DLGAP4: variants seen among roughly 807,000 people sequenced by gnomAD.
DLGAP4 encodes DLG associated protein 4.
Under a neutral mutation model 86.9 loss-of-function variants are expected in DLGAP4, and 18 were observed. The ratio of observed to expected loss-of-function variants is 0.21; its 90% confidence interval spans 0.14 to 0.31. DLGAP4 has a LOEUF of 0.31. DLGAP4 is among the 10% of genes least tolerant of loss of function. DLGAP4 has a pLI of 1.00. For missense variants in DLGAP4, 1,085 were observed against 1,362.6 expected, an observed-to-expected ratio of 0.80 and a Z score of 3.21; for synonymous variants, 548 against 574.3, an observed-to-expected ratio of 0.95 and a Z score of 0.65.
At chr20:36,316,037 G>A (rs1335201468) in intron 1 of DLGAP4, among the ~76,000 whole-genome samples, 3 of 152,204 alleles carry the variant, frequency 2.0e-5, no homozygotes, top group Admixed American at 2.0e-4. Flanking sequence ...CCAGCGGGAA[G>A]GCAGCCTCTC....
At chr20:36,458,976 G>A (rs1222466143) in intron 7 of DLGAP4, among the ~76,000 whole-genome samples, 1 of 152,216 alleles carries the variant, frequency 6.6e-6, no homozygotes, top group Non-Finnish European at 1.5e-5. Context: ...GTCGCGTGGG[G>A]ACAGCCCTCA....
In DLGAP4 at chr20:36,432,309, C is replaced by T. The variant is rs1402053894; in HGVS notation, c.592C>T (p.Arg198Cys). The change falls in exon 3 of 13, where the codon CGC becomes TGC. Residue 198 changes from arginine to cysteine, a missense_variant. Coordinates refer to ENST00000339266, the MANE Select transcript of DLGAP4 (RefSeq NM_001365621.2). This position sits in a 1 kb window ranked among gnomAD's most constrained non-coding sequence, Gnocchi z 6.5. Reference sequence around the variant, plus strand: ...GGCTGGGGAGCCCAAACGGCGCAGCCGCTCCAACATCTCAGGCTGGTGGAG... The same window carrying T: ...GGCTGGGGAGCCCAAACGGCGCAGCTGCTCCAACATCTCAGGCTGGTGGAG... ...AKAGEPKRRSRSNISGWWSSD... is the reference protein window; with the variant it reads ...AKAGEPKRRSCSNISGWWSSD... The T allele has an allele frequency of 3.1e-6, 5 of 1,613,754 alleles. No homozygotes were observed. The highest frequency in any genetic ancestry group is 2.2e-5 in the East Asian group (1 of 44,876).
intron 2 of DLGAP4, among the ~76,000 whole-genome samples, chr20:36,423,199 T>C (rs1054077735): frequency 6.6e-6 from 1 of 152,264 alleles, no homozygotes; most frequent in South Asian, 2.1e-4. Flanking sequence ...TGGTGGCTCA[T>C]GCCTGTAATC....
intron 1 of DLGAP4, among the ~76,000 whole-genome samples, chr20:36,361,438 T>C (rs1555894217): frequency 6.6e-6 from 1 of 152,174 alleles, no homozygotes; most frequent in East Asian, 1.9e-4. Flanking sequence ...GTTTGGTTTG[T>C]TTTTTGTGTC....
chr20:36,519,831 C>T (rs2037264995), intron 10 of DLGAP4, among the ~76,000 whole-genome samples: 1 of 152,136 alleles, frequency 6.6e-6, no homozygotes, highest in South Asian at 2.1e-4. Context: ...CTCTGCTGCC[C>T]AGGCTGAAAT....
At position 36,505,049 on chromosome 20, in the gene DLGAP4, G is replaced by A. The variant is rs563988009; in HGVS notation, c.2512+4438G>A. On this transcript the variant is annotated intron_variant, in intron 10 of 12. Coordinates refer to ENST00000339266, the MANE Select transcript of DLGAP4 (RefSeq NM_001365621.2). The stretch of plus-strand genomic sequence containing the variant: ...GTTGCCCAGACTGGAGTGCCGTGAC[G>A]TGATCTTGGCTCACTGCAACCTCCG... Among the ~76,000 whole-genome samples the A allele has an allele frequency of 1.8e-4, 27 of 151,336 alleles. No individual in the cohort carries two copies. In the South Asian group the frequency reaches 5.0e-3, roughly 28 times the overall value.
chr20:36,451,824 G>C (rs2033744770), intron 7 of DLGAP4, among the ~76,000 whole-genome samples: 1 of 148,408 alleles, frequency 6.7e-6, no homozygotes, highest in Admixed American at 6.7e-5. Flanking sequence ...GCAATGGCGT[G>C]ATCTCAGTTC....
intron 2 of DLGAP4, among the ~76,000 whole-genome samples, chr20:36,415,423 CTAAA>C (rs1362181177): frequency 6.6e-6 from 1 of 152,166 alleles, no homozygotes; most frequent in Non-Finnish European, 1.5e-5. Flanking sequence ...TTCTAGATGG[CTAAA>C]TAGAGACAGT....
intron 1 of DLGAP4, among the ~76,000 whole-genome samples, chr20:36,330,254 G>A (rs2065254223): frequency 6.6e-6 from 1 of 152,178 alleles, no homozygotes; most frequent in South Asian, 2.1e-4. Context: ...GCCAGAGGAG[G>A]GTTTTGTGGG....
intron 2 of DLGAP4, among the ~76,000 whole-genome samples, chr20:36,371,862 G>T (rs924690421): frequency 6.6e-6 from 1 of 152,144 alleles, no homozygotes; most frequent in African/African-American, 2.4e-5. Context: ...CCTGGGAAGT[G>T]GGGGCATGGG....
chr20:36,314,192 G>A (rs1004846731), intron 1 of DLGAP4, among the ~76,000 whole-genome samples: 1 of 151,384 alleles, frequency 6.6e-6, no homozygotes, highest in Admixed American at 6.6e-5. Flanking sequence ...GTGTCGACTA[G>A]ACCTGGGGCC....
chr20:36,506,139 T>A (rs1443571254), intron 10 of DLGAP4, among the ~76,000 whole-genome samples: 2 of 152,214 alleles, frequency 1.3e-5, no homozygotes, highest in Admixed American at 1.3e-4. Context: ...AGGTGCTTAC[T>A]AACGACATGT....
intron 2 of DLGAP4, among the ~76,000 whole-genome samples, chr20:36,417,395 T>C (rs2147512365): frequency 7.0e-6 from 1 of 143,658 alleles, no homozygotes; most frequent in Non-Finnish European, 1.5e-5. Context: ...GTTTTTGTTT[T>C]TTCTGAGTTA....
chr20:36,497,203 T>G, intron 8 of DLGAP4, 137 bp downstream of exon 8: 2 of 1,455,762 alleles, frequency 1.4e-6, no homozygotes, highest in African/African-American at 1.4e-5. Context: ...CAGCCCCAAG[T>G]GGCCAAACCG....
At chr20:36,390,570 G>C (rs371656465) in intron 2 of DLGAP4, among the ~76,000 whole-genome samples, 37 of 152,136 alleles carry the variant, frequency 2.4e-4, no homozygotes, top group Middle Eastern at 3.4e-3. Context: ...AATCCTGAGT[G>C]GGGGGGCATG....
chr20:36,509,191 C>T (rs1347074641), intron 10 of DLGAP4, among the ~76,000 whole-genome samples: 2 of 151,772 alleles, frequency 1.3e-5, no homozygotes, highest in African/African-American at 4.8e-5. Context: ...GGGAGGCTGA[C>T]GTGGGAAGAT....
chr20:36,455,040 A>G (rs1286257267), intron 7 of DLGAP4, among the ~76,000 whole-genome samples: 1 of 152,114 alleles, frequency 6.6e-6, no homozygotes, highest in Non-Finnish European at 1.5e-5. Context: ...CAAAGGACCT[A>G]TCTAGGAGGG....
At chr20:36,408,507 C>A (rs2147496793) in intron 2 of DLGAP4, among the ~76,000 whole-genome samples, 1 of 152,330 alleles carries the variant, frequency 6.6e-6, no homozygotes, top group Admixed American at 6.5e-5. Context: ...TTCCTGCAGG[C>A]AGTCACAAGC....
chr20:36,376,323 T>A (rs1180823474), intron 2 of DLGAP4, among the ~76,000 whole-genome samples: 1 of 151,898 alleles, frequency 6.6e-6, no homozygotes, highest in Non-Finnish European at 1.5e-5. Context: ...ATACAAAAAT[T>A]AGCTGGGTGC....
Sources: gnomAD v4.1 joint callset for allele counts (sites outside exome capture counted in the v4.1 genomes callset) on GRCh38, gnomAD v4.1.1 for gene constraint, Gnocchi (gnomAD v3.1) non-coding constraint, MANE v1.5 for transcripts, NCBI Gene and HGNC (gene_info 2026-07-23, HGNC 2026-07-21) for gene names.